Variants in PKP4 observed in about 807,000 individuals in gnomAD.
PKP4 encodes the protein plakophilin 4.
In PKP4, 90 loss-of-function variants were observed where a neutral mutation model predicts 145.1. That is an observed-to-expected ratio of 0.62 (90% CI 0.52 to 0.74). The LOEUF is 0.74. PKP4 is among the 30% of genes least tolerant of loss of function. The pLI, the probability that PKP4 is intolerant of heterozygous loss-of-function variation, is 0.00. For synonymous variants in PKP4, 563 were observed against 577.2 expected, an observed-to-expected ratio of 0.98 and a Z score of 0.35; for missense variants, 1,340 against 1,482.7, an observed-to-expected ratio of 0.90 and a Z score of 1.58.
intron 1 of PKP4, among the ~76,000 whole-genome samples, chr2:158,472,874 G>A (rs62182680): frequency 0.91 from 138,547 of 151,790 alleles, 63,278 homozygotes; most frequent in East Asian, 0.98. Flanking sequence ...CAGAGTAATG[G>A]GACAACGTAC....
At chr2:158,630,199 C>G (rs1400651111) in intron 7 of PKP4, among the ~76,000 whole-genome samples, 2 of 152,126 alleles carry the variant, frequency 1.3e-5, no homozygotes, top group Non-Finnish European at 2.9e-5. Context: ...TAATGGAAGT[C>G]ACAAACTTCT....
intron 4 of PKP4, among the ~76,000 whole-genome samples, chr2:158,605,553 T>C (rs376554485): frequency 5.0e-4 from 76 of 152,316 alleles, no homozygotes; most frequent in African/African-American, 1.7e-3. Context: ...CACACATGCA[T>C]GTGAACTTAA....
intron 2 of PKP4, among the ~76,000 whole-genome samples, chr2:158,533,942 A>G (rs3755402): frequency 0.68 from 103,425 of 151,990 alleles, 35,480 homozygotes; most frequent in South Asian, 0.83. Context: ...GGAATTCTGC[A>G]ATTTTAATTT....
Position 158,577,296 on chromosome 2 carries a change from G to A in PKP4, c.158G>A (p.Arg53Gln), listed in dbSNP as rs200264792. Residue 53 changes from arginine to glutamine, a missense_variant, in exon 3 of 22, where the codon CGA becomes CAA. Physicochemically the swap from Arg to Gln is conservative, Grantham distance 43 (BLOSUM62 1). Coordinates refer to ENST00000389759, the MANE Select transcript of PKP4 (RefSeq NM_003628.6). ...GAGCTTCAGTTTCAGCGACTCACCC[G>A]AGAACTGGAAGTGGAAAGGCAGATT... ...EQELQFQRLT[R>Q]ELEVERQIVA... 2.1e-5 allele frequency: 34 copies of A among 1,613,394 alleles called. No homozygotes were observed. The highest frequency in any genetic ancestry group is 2.0e-4 in the Admixed American group (12 of 59,942).
intron 2 of PKP4, among the ~76,000 whole-genome samples, chr2:158,560,997 T>C (rs2046465131): frequency 6.6e-6 from 1 of 152,276 alleles, no homozygotes; most frequent in South Asian, 2.1e-4. Flanking sequence ...GCCTACCGGC[T>C]GAATCTGGCC....
chr2:158,596,650 A>G (rs1050887593), intron 3 of PKP4, among the ~76,000 whole-genome samples: 7 of 151,912 alleles, frequency 4.6e-5, no homozygotes, highest in Non-Finnish European at 7.4e-5. Flanking sequence ...AGAAAAGAAT[A>G]TTGTAATATT....
chr2:158,602,350 G>A (rs1023709051), intron 3 of PKP4, among the ~76,000 whole-genome samples: 3 of 152,146 alleles, frequency 2.0e-5, no homozygotes, highest in Non-Finnish European at 4.4e-5. Flanking sequence ...ACATAAAGGA[G>A]ATCATATGTG....
intron 2 of PKP4, among the ~76,000 whole-genome samples, chr2:158,555,432 A>C (rs999122156): frequency 1.3e-5 from 2 of 152,234 alleles, no homozygotes; most frequent in Non-Finnish European, 2.9e-5. Context: ...CTACAAATAT[A>C]AGTGTAAATA....
chr2:158,566,047 C>T (rs534323957), intron 2 of PKP4, among the ~76,000 whole-genome samples: 38 of 152,308 alleles, frequency 2.5e-4, no homozygotes, highest in African/African-American at 8.4e-4. Context: ...CCCACACACA[C>T]ATTAAGCCAC....
Position 158,528,946 on chromosome 2 carries a change from C to T in PKP4, c.-5-4234C>T, listed in dbSNP as rs577212504. Among the ~76,000 whole-genome samples the T allele has an allele frequency of 3.9e-5, 6 of 152,302 alleles. No individual in the cohort carries two copies. The South Asian group carries it at 1.2e-3, about 32-fold the overall frequency. On this transcript the variant is annotated intron_variant, in intron 1 of 21. Transcript: ENST00000389759. ...ATTCTGAAAACTCCTGAGGAACATT[C>T]ACATCTGTTTACAATGTAGAACTTG...
intron 10 of PKP4, among the ~76,000 whole-genome samples, chr2:158,641,655 A>G (rs1433475779): frequency 6.6e-6 from 1 of 152,222 alleles, no homozygotes; most frequent in Non-Finnish European, 1.5e-5. Flanking sequence ...ACAGTATACC[A>G]GTTCCAGACC....
chr2:158,532,058 G>A (rs144669988), intron 1 of PKP4, among the ~76,000 whole-genome samples: 2 of 152,152 alleles, frequency 1.3e-5, no homozygotes, highest in Admixed American at 6.6e-5. Context: ...TTTTACTTAC[G>A]GATTATTATT....
At chr2:158,672,852 G>A (rs903905159) in intron 17 of PKP4, among the ~76,000 whole-genome samples, 3 of 152,000 alleles carry the variant, frequency 2.0e-5, no homozygotes, top group South Asian at 2.1e-4. Flanking sequence ...GGAAGATAAC[G>A]GAGTAGAAGA....
At chr2:158,598,590 A>T (rs1331978523) in intron 3 of PKP4, among the ~76,000 whole-genome samples, 3 of 152,114 alleles carry the variant, frequency 2.0e-5, no homozygotes, top group African/African-American at 7.2e-5. Flanking sequence ...ACACGGTGAA[A>T]CCCCGTCTCT....
rs746736689 is a variant in PKP4 at position 158,663,440 on chromosome 2, T to C, written c.2572T>C (p.Trp858Arg). 6.2e-7 allele frequency: 1 copy of C among 1,611,310 alleles called. No homozygotes were observed. ...GSLQNLSAGN[W>R]KFAAYIRAAV... ...TCTCCAGAACCTCTCTGCTGGCAAC[T>C]GGAAGGTAGGATGACTTCCACTTAT... is the stretch of plus-strand genomic sequence containing the variant. The change falls in exon 15 of 22, where the codon TGG (tryptophan) becomes CGG (arginine). Residue 858 changes from tryptophan (W) to arginine (R), a missense_variant. Physicochemically the swap from Trp to Arg is moderately radical, Grantham distance 101. Coordinates refer to ENST00000389759, the MANE Select transcript of PKP4 (RefSeq NM_003628.6).
At chr2:158,612,116 C>T (rs1375133076) in intron 4 of PKP4, among the ~76,000 whole-genome samples, 1 of 146,810 alleles carries the variant, frequency 6.8e-6, no homozygotes, top group Non-Finnish European at 1.5e-5. Context: ...TACACAACTG[C>T]ACACACACAC....
At chr2:158,613,961 G>A (rs1403722348) in intron 4 of PKP4, among the ~76,000 whole-genome samples, 2 of 152,164 alleles carry the variant, frequency 1.3e-5, no homozygotes, top group African/African-American at 4.8e-5. Flanking sequence ...ATGAAGGAAT[G>A]GGTGCCCCTT....
chr2:158,625,577 C>T, intron 7 of PKP4, 150 bp downstream of exon 7: 1 of 640,448 alleles, frequency 1.6e-6, no homozygotes, highest in Non-Finnish European at 2.7e-6. Context: ...ACTTGTCTTT[C>T]AGGTTCTGTA....
intron 17 of PKP4, among the ~76,000 whole-genome samples, chr2:158,670,323 GCCTTTCAGCTGT>G (rs1301786895): frequency 6.6e-6 from 1 of 152,154 alleles, no homozygotes; most frequent in Non-Finnish European, 1.5e-5. Context: ...CATAGATGGT[GCCTTTCAGCTGT>G]CCTTGCACGG....
Sources: gnomAD v4.1 joint callset for allele counts (sites outside exome capture counted in the v4.1 genomes callset) on GRCh38, gnomAD v4.1.1 for gene constraint, MANE v1.5 for transcripts, NCBI Gene and HGNC (gene_info 2026-07-23, HGNC 2026-07-21) for gene names.